Variants in VPS8 observed in about 807,000 individuals in gnomAD.
VPS8 encodes vacuolar protein sorting-associated protein 8 homolog.
A neutral mutation model predicts 216.4 loss-of-function variants in VPS8; 129 were observed. That is an observed-to-expected ratio of 0.60 (90% CI 0.52 to 0.69). VPS8 has a LOEUF of 0.69. VPS8 is among the 30% of genes least tolerant of loss of function. The pLI is 0.00. For missense variants in VPS8, 1,531 were observed against 1,683.5 expected (o/e 0.91, Z 1.59); for synonymous variants, 571 against 565.4 (o/e 1.01, Z -0.14).
At position 184,913,520 on chromosome 3, in the gene VPS8, T is replaced by A. The variant is rs373627193; in HGVS notation, c.2148T>A (p.Asp716Glu). ...PPLNAGKTLT[D>E]EQVVMGNKLL... ...AAGATACTTCTCTTTCTATTTTAGATGAACAAGTTGTTATGGGCAATAAGC... is the reference window on the plus strand; with the variant it reads ...AAGATACTTCTCTTTCTATTTTAGAAGAACAAGTTGTTATGGGCAATAAGC... Residue 716 changes from aspartate (D) to glutamate (E), a missense_variant and splice_region_variant, in exon 26 of 48, where the codon GAT becomes GAA. Physicochemically the swap from Asp to Glu is conservative, Grantham distance 45. This residue lies in a region of VPS8 where 1,318 missense variants were observed against 1,468.4 expected (regional missense o/e 0.90). Coordinates refer to ENST00000625842, the MANE Select transcript of VPS8 (RefSeq NM_001009921.3). 3.5e-5 allele frequency: 55 copies of A among 1,586,506 alleles called. No homozygotes were observed. Among genetic ancestry groups the A allele is most frequent in the Non-Finnish European group, 4.6e-5 (54 of 1,167,796 alleles).
chr3:185,050,252 C>T (rs1713911328), intron 47 of VPS8, among the ~76,000 whole-genome samples: 2 of 151,950 alleles, frequency 1.3e-5, no homozygotes, highest in Admixed American at 1.3e-4. Flanking sequence ...GAGAACGTCG[C>T]AGGCTGATGG....
intron 21 of VPS8, among the ~76,000 whole-genome samples, chr3:184,876,092 T>C (rs1729223053): frequency 6.6e-6 from 1 of 152,164 alleles, no homozygotes; most frequent in South Asian, 2.1e-4. Context: ...CTCATCTTAC[T>C]GGTCCTCAGC....
intron 36 of VPS8, among the ~76,000 whole-genome samples, chr3:184,949,569 C>T (rs1258236155): frequency 1.3e-5 from 2 of 151,742 alleles, no homozygotes; most frequent in African/African-American, 2.4e-5. Context: ...GCAAAGAGAC[C>T]AAGGATGCAC....
Position 184,964,535 on chromosome 3 carries a change from G to T in VPS8, c.3251G>T (p.Gly1084Val). 3 of 1,517,468 alleles carry T rather than the reference G, an allele frequency of 2.0e-6. No individual in the cohort carries two copies. Among genetic ancestry groups the T allele is most frequent in the Non-Finnish European group, 2.7e-6 (3 of 1,126,786 alleles). 94.0% of individuals were successfully genotyped at this position (1,517,468 alleles called of 1,614,324 possible). The change falls in exon 38 of 48, where the codon GGT (glycine) becomes GTT (valine). Residue 1084 changes from glycine to valine, a missense_variant. Coordinates refer to ENST00000625842, the MANE Select transcript of VPS8 (RefSeq NM_001009921.3). ...YLLEKKGDIH[G>V]AFLIMLERLQ... ...TTGGAAAAGAAAGGAGATATTCATG[G>T]TGCCTTCCTAATAATGTTAGAGGTA...
At chr3:185,007,392 A>G (rs776333674) in intron 45 of VPS8, among the ~76,000 whole-genome samples, 35 of 152,248 alleles carry the variant, frequency 2.3e-4, no homozygotes, top group Non-Finnish European at 3.4e-4. Context: ...TTATTCCTAT[A>G]TTAAATTCAT....
At chr3:185,022,802 T>C (rs1756841424) in intron 45 of VPS8, among the ~76,000 whole-genome samples, 1 of 152,194 alleles carries the variant, frequency 6.6e-6, no homozygotes, top group Admixed American at 6.5e-5. Flanking sequence ...ATTTCATTGA[T>C]TTTTGCTGCT....
Position 184,999,723 on chromosome 3 carries a change from C to T in VPS8, c.3864C>T (p.Cys1288=). Residue 1288 remains cysteine (C), a synonymous_variant, in exon 45 of 48, where the codon TGC becomes TGT. Transcript: ENST00000625842. ...GTGGCCATTTGTATCACTCATTCTG[C>T]CTACAAAACAAAGAATGCACTGTGG... ...FSCGHLYHSF[C]LQNKECTVEF... 6.2e-7 allele frequency: 1 copy of T among 1,612,272 alleles called. No individual in the cohort carries two copies. The highest frequency in any genetic ancestry group is 8.5e-7 in the Non-Finnish European group (1 of 1,179,340).
At chr3:184,835,553 A>G (rs76003093) in intron 5 of VPS8, among the ~76,000 whole-genome samples, 362 of 152,234 alleles carry the variant, frequency 2.4e-3, no homozygotes, top group Admixed American at 5.8e-3. Flanking sequence ...TAGTCTTTCA[A>G]TTTTGGTTTT....
At chr3:184,950,092 G>T (rs761556125) in intron 36 of VPS8, among the ~76,000 whole-genome samples, 1 of 151,880 alleles carries the variant, frequency 6.6e-6, no homozygotes, top group African/African-American at 2.4e-5. Flanking sequence ...GTTTTTAGTA[G>T]AGATGAGGTT....
At chr3:184,986,424 C>A (rs150522810) in intron 42 of VPS8, among the ~76,000 whole-genome samples, 1 of 152,212 alleles carries the variant, frequency 6.6e-6, no homozygotes, top group African/African-American at 2.4e-5. Flanking sequence ...AATCAGTTGT[C>A]ATCAAGATTT....
intron 42 of VPS8, 39 bp downstream of exon 42, chr3:184,983,133 C>G (rs1750482245): frequency 1.3e-6 from 2 of 1,488,060 alleles, no homozygotes; most frequent in African/African-American, 1.4e-5. Context: ...TTGATTTCAA[C>G]TAACATTTTA....
At chr3:185,022,390 TG>T (rs2110067237) in intron 45 of VPS8, among the ~76,000 whole-genome samples, 1 of 152,346 alleles carries the variant, frequency 6.6e-6, no homozygotes, top group African/African-American at 2.4e-5. Flanking sequence ...TTAATGTTTT[TG>T]CTAGAATTCA....
At chr3:184,820,707 T>G (rs1416007656) in intron 1 of VPS8, among the ~76,000 whole-genome samples, 2 of 152,050 alleles carry the variant, frequency 1.3e-5, no homozygotes, top group Non-Finnish European at 2.9e-5. Flanking sequence ...ACTTACTGAC[T>G]AAAATGAAGA....
At position 184,826,232 on chromosome 3, in the gene VPS8, G is replaced by A. The variant is rs754683580; in HGVS notation, c.222+1G>A. On this transcript the variant is annotated splice_donor_variant, in intron 3 of 47. Coordinates refer to ENST00000625842, the MANE Select transcript of VPS8 (RefSeq NM_001009921.3). LOFTEE classifies it high-confidence loss of function. ...AACACTGGAAAGCATACTAAATGAG[G>A]TAAGTGAATATTAATGATTACTGTC... The A allele has an allele frequency of 2.9e-5, 47 of 1,604,844 alleles. No homozygotes were observed. Among genetic ancestry groups the A allele is most frequent in the Middle Eastern group, 1.7e-4 (1 of 6,012 alleles).
chr3:184,912,341 A>G (rs898650215), intron 25 of VPS8, among the ~76,000 whole-genome samples: 6 of 152,198 alleles, frequency 3.9e-5, no homozygotes, highest in African/African-American at 1.2e-4. Context: ...TTATAGTCTT[A>G]TCTTTGTCCA....
At chr3:184,883,945 T>G (rs559085307) in intron 21 of VPS8, among the ~76,000 whole-genome samples, 101 of 152,222 alleles carry the variant, frequency 6.6e-4, no homozygotes, top group Non-Finnish European at 1.2e-3. Context: ...ATGAAGTGTT[T>G]TCAAATTTTT....
intron 36 of VPS8, among the ~76,000 whole-genome samples, chr3:184,954,942 G>A (rs572718362): frequency 1.8e-4 from 28 of 152,052 alleles, no homozygotes; most frequent in South Asian, 4.2e-4. Flanking sequence ...AGGAATAACC[G>A]GTGGGTATAG....
At chr3:184,962,253 G>A (rs1746660008) in intron 37 of VPS8, among the ~76,000 whole-genome samples, 1 of 152,138 alleles carries the variant, frequency 6.6e-6, no homozygotes, top group Non-Finnish European at 1.5e-5. Flanking sequence ...CTTCTTGTGT[G>A]CCCATATGAG....
At chr3:184,914,321 C>T (rs1258511833) in intron 26 of VPS8, among the ~76,000 whole-genome samples, 2 of 152,176 alleles carry the variant, frequency 1.3e-5, no homozygotes, top group Admixed American at 6.5e-5. Flanking sequence ...TCCAGTCTAA[C>T]ATTGAAAATT....
Sources: gnomAD v4.1 joint callset for allele counts (sites outside exome capture counted in the v4.1 genomes callset) on GRCh38, gnomAD v4.1.1 for gene constraint, gnomAD v4.1.1 regional missense constraint, MANE v1.5 for transcripts, NCBI Gene and HGNC (gene_info 2026-07-23, HGNC 2026-07-21) for gene names.